VMP1: variants seen among roughly 807,000 people sequenced by gnomAD.
The protein encoded by VMP1 is ectopic P-granules autophagy protein 3 homolog.
VMP1 carries 11 observed loss-of-function variants against 56.0 expected under a neutral mutation model. That is an observed-to-expected ratio of 0.20 (90% CI 0.12 to 0.32). The LOEUF (loss-of-function observed/expected upper bound fraction) is 0.32, where lower values mean the gene tolerates loss of function less well. Ranked by LOEUF, VMP1 falls within the 10% of genes least tolerant of loss-of-function variation. VMP1 has a pLI of 1.00. For missense variants in VMP1, 296 were observed against 490.3 expected (o/e 0.60, Z 3.74); for synonymous variants, 149 against 165.0 (o/e 0.90, Z 0.74).
intron 9 of VMP1, among the ~76,000 whole-genome samples, chr17:59,816,202 C>T (rs2038226315): frequency 6.6e-6 from 1 of 152,142 alleles, no homozygotes; most frequent in Non-Finnish European, 1.5e-5. Context: ...TGAAATTGTG[C>T]AATTATTTAG....
intron 7 of VMP1, among the ~76,000 whole-genome samples, chr17:59,801,112 A>ATATGTGTGTGTGTG (rs1296238370): frequency 9.1e-6 from 1 of 110,326 alleles, no homozygotes; most frequent in African/African-American, 4.4e-5. Context: ...ATATATATAT[A>ATATGTGTGTGTGTG]TGTGTGTGTG....
chr17:59,742,969 C>T (rs1195822650), intron 5 of VMP1, among the ~76,000 whole-genome samples: 2 of 152,224 alleles, frequency 1.3e-5, no homozygotes, highest in Non-Finnish European at 2.9e-5. Flanking sequence ...TTGTCTTCCA[C>T]GAAACTGGTT....
At chr17:59,735,190 G>C (rs949498666) in intron 2 of VMP1, 148 bp from the exon 3 acceptor site, 1 of 994,498 alleles carries the variant, frequency 1.0e-6, no homozygotes, top group African/African-American at 1.6e-5. Flanking sequence ...GAGATTATAG[G>C]TACTACTAGT....
chr17:59,776,341 T>A (rs2777891), intron 7 of VMP1, among the ~76,000 whole-genome samples: 4 of 152,164 alleles, frequency 2.6e-5, no homozygotes, highest in Admixed American at 2.6e-4. Flanking sequence ...GAGCCATGAA[T>A]ATCTGCTCTT....
At chr17:59,716,794 A>T (rs370584677) in intron 1 of VMP1, among the ~76,000 whole-genome samples, 2 of 145,444 alleles carry the variant, frequency 1.4e-5, no homozygotes, top group African/African-American at 5.0e-5. Flanking sequence ...ATTTTTTTTT[A>T]CAACTAGAAA....
intron 6 of VMP1, among the ~76,000 whole-genome samples, chr17:59,773,166 T>G (rs1400504588): frequency 6.6e-6 from 1 of 151,854 alleles, no homozygotes; most frequent in Non-Finnish European, 1.5e-5. Flanking sequence ...TTCACCCTAT[T>G]GGCCAGGATG....
At chr17:59,771,290 A>G (rs945369551) in intron 6 of VMP1, among the ~76,000 whole-genome samples, 2 of 151,892 alleles carry the variant, frequency 1.3e-5, no homozygotes, top group Non-Finnish European at 2.9e-5. Flanking sequence ...CTCCCACCTC[A>G]GCCTCCTGAA....
At chr17:59,815,377 C>T (rs892010355) in intron 9 of VMP1, among the ~76,000 whole-genome samples, 1 of 152,074 alleles carries the variant, frequency 6.6e-6, no homozygotes, top group Non-Finnish European at 1.5e-5. Flanking sequence ...ACTTATTGTA[C>T]CCTTAAAATA....
intron 11 of VMP1, 67 bp from the exon 12 acceptor site, chr17:59,839,701 G>T: frequency 2.0e-6 from 3 of 1,533,158 alleles, no homozygotes; most frequent in South Asian, 2.5e-5. Flanking sequence ...CATTATAGAT[G>T]ATCCTCTTTT....
chr17:59,801,670 G>A (rs566784686), intron 7 of VMP1, among the ~76,000 whole-genome samples: 33 of 151,602 alleles, frequency 2.2e-4, no homozygotes, highest in African/African-American at 6.1e-4. Context: ...CGAGGCAGCC[G>A]GATCACCTGA....
At chr17:59,717,089 CCTT>C (rs1371894361) in intron 1 of VMP1, among the ~76,000 whole-genome samples, 2 of 152,144 alleles carry the variant, frequency 1.3e-5, no homozygotes, top group Admixed American at 6.5e-5. Flanking sequence ...ACGCCATTCT[CCTT>C]CTTCAACCTC....
At chr17:59,828,133 T>C (rs1415037886) in intron 10 of VMP1, among the ~76,000 whole-genome samples, 2 of 152,196 alleles carry the variant, frequency 1.3e-5, no homozygotes, top group Non-Finnish European at 2.9e-5. Context: ...CTAGTCCTTA[T>C]AGACCACTCC....
chr17:59,752,754 G>A (rs1250350263), intron 5 of VMP1, among the ~76,000 whole-genome samples: 1 of 152,166 alleles, frequency 6.6e-6, no homozygotes, highest in East Asian at 1.9e-4. Flanking sequence ...GATGTCATGT[G>A]TAGGATGAAC....
chr17:59,776,785 G>A (rs541967830), intron 7 of VMP1, among the ~76,000 whole-genome samples: 1 of 152,238 alleles, frequency 6.6e-6, no homozygotes, highest in Non-Finnish European at 1.5e-5. Flanking sequence ...TTATCTATAT[G>A]AAATCAGCAA....
intron 7 of VMP1, 127 bp from the exon 8 acceptor site, chr17:59,808,668 AT>A (rs985097878): frequency 4.3e-6 from 3 of 691,770 alleles, no homozygotes; most frequent in African/African-American, 1.8e-5. Flanking sequence ...ACCTACTGTA[AT>A]TTTTTTCATC....
chr17:59,813,099 A>G (rs1473240270), intron 9 of VMP1, among the ~76,000 whole-genome samples: 4 of 152,038 alleles, frequency 2.6e-5, no homozygotes, highest in African/African-American at 9.7e-5. Context: ...CCAGTTTATA[A>G]TCTTAGATTT....
intron 6 of VMP1, among the ~76,000 whole-genome samples, chr17:59,773,226 C>T (rs887974771): frequency 6.6e-5 from 10 of 151,838 alleles, no homozygotes; most frequent in Non-Finnish European, 1.3e-4. Flanking sequence ...TCCCAAAGTG[C>T]TGGGATTACA....
At chr17:59,719,514 G>A (rs1162600668) in intron 1 of VMP1, among the ~76,000 whole-genome samples, 1 of 151,548 alleles carries the variant, frequency 6.6e-6, no homozygotes, top group East Asian at 1.9e-4. Flanking sequence ...AAGTATGTTC[G>A]TTTTATTTTG....
chr17:59,838,284 C>G lies in VMP1; in HGVS notation c.975-11C>G, dbSNP rs755712512. On this transcript the variant is annotated splice_polypyrimidine_tract_variant and intron_variant, in intron 10 of 11. Transcript: ENST00000262291. ...TGTCTTTTTCTTTGGGCTACTGTAC[C>G]CTGCTTCCAGTGCTGTCCCCGGCAT... The G allele has an allele frequency of 1.2e-6, 2 of 1,612,872 alleles. No homozygotes were observed. Among genetic ancestry groups the G allele is most frequent in the Non-Finnish European group, 1.7e-6 (2 of 1,179,292 alleles).
Sources: gnomAD v4.1 joint callset for allele counts (sites outside exome capture counted in the v4.1 genomes callset) on GRCh38, gnomAD v4.1.1 for gene constraint, MANE v1.5 for transcripts, NCBI Gene and HGNC (gene_info 2026-07-23, HGNC 2026-07-21) for gene names.